SCAI: variants seen among roughly 807,000 people sequenced by gnomAD.
The protein encoded by SCAI is suppressor of cancer cell invasion.
A neutral mutation model predicts 92.2 loss-of-function variants in SCAI; 24 were observed. That is an observed-to-expected ratio of 0.26 (90% CI 0.19 to 0.37). The LOEUF is 0.37. Ranked by LOEUF, SCAI falls within the 10% of genes least tolerant of loss-of-function variation. SCAI has a pLI of 1.00. For missense variants in SCAI, 450 were observed against 736.2 expected (o/e 0.61, Z 4.50); for synonymous variants, 261 against 258.6 (o/e 1.01, Z -0.09).
In SCAI at chr9:125,014,773, T is replaced by G. The variant is rs1475781109; in HGVS notation, c.861+4026A>C. Among the ~76,000 whole-genome samples the G allele has an allele frequency of 2.0e-5, 3 of 152,294 alleles. No homozygotes were observed. The East Asian group carries it at 5.8e-4, about 29-fold the overall frequency. ...AGCTGGAGGCATCACGCTACCTGAC[T>G]TCAAACTATACTACAAGGCTACAGT... On this transcript the variant is annotated intron_variant, in intron 9 of 17. Coordinates refer to ENST00000336505, the MANE Select transcript of SCAI (RefSeq NM_001144877.3).
intron 3 of SCAI, among the ~76,000 whole-genome samples, chr9:125,047,441 T>C (rs974341455): frequency 1.3e-5 from 2 of 152,194 alleles, no homozygotes; most frequent in Non-Finnish European, 2.9e-5. Flanking sequence ...CACCTTGTTA[T>C]GGCAGCCATA....
chr9:125,138,741 G>T (rs1454673651), intron 2 of SCAI, among the ~76,000 whole-genome samples: 1 of 151,998 alleles, frequency 6.6e-6, no homozygotes, highest in Non-Finnish European at 1.5e-5. Flanking sequence ...TAGAAATGGG[G>T]TTTCTCCATG....
intron 14 of SCAI, among the ~76,000 whole-genome samples, chr9:124,993,033 T>C (rs991547272): frequency 5.3e-5 from 8 of 152,220 alleles, no homozygotes; most frequent in African/African-American, 1.9e-4. Context: ...ATTGCTAAAG[T>C]ACTCTCAATG....
chr9:125,068,006 A>C (rs989190957), intron 2 of SCAI, among the ~76,000 whole-genome samples: 8 of 152,232 alleles, frequency 5.3e-5, no homozygotes, highest in Non-Finnish European at 2.9e-5. Context: ...TGAAAGTCTG[A>C]AAGAAATCTT....
chr9:125,002,880 A>T (rs1233894104), intron 11 of SCAI, among the ~76,000 whole-genome samples: 1 of 151,882 alleles, frequency 6.6e-6, no homozygotes, highest in Non-Finnish European at 1.5e-5. Flanking sequence ...TAATCACAAC[A>T]TCATAAGCAA....
chr9:125,128,200 C>T (rs531656980), intron 2 of SCAI, among the ~76,000 whole-genome samples: 28 of 152,104 alleles, frequency 1.8e-4, no homozygotes, highest in African/African-American at 6.5e-4. Flanking sequence ...GCACATGGCA[C>T]CAGCTACTCA....
intron 15 of SCAI, among the ~76,000 whole-genome samples, chr9:124,972,292 C>T (rs1421672242): frequency 3.9e-5 from 6 of 152,150 alleles, no homozygotes; most frequent in Non-Finnish European, 8.8e-5. Flanking sequence ...TGCTCTCACT[C>T]CCATGATTTT....
chr9:125,028,535 C>A (rs1426541028), intron 4 of SCAI, 57 bp from the exon 5 acceptor site: 2 of 889,026 alleles, frequency 2.2e-6, no homozygotes, highest in Admixed American at 2.9e-5. Context: ...CAAAACTAAT[C>A]AAATCTGTAA....
intron 2 of SCAI, among the ~76,000 whole-genome samples, chr9:125,140,857 T>C (rs1436090207): frequency 1.3e-5 from 2 of 149,040 alleles, no homozygotes; most frequent in Non-Finnish European, 3.0e-5. Context: ...AGACCCTGTC[T>C]CAAAAAAAAA....
chr9:125,000,547 A>G (rs924569054), intron 12 of SCAI, among the ~76,000 whole-genome samples: 4 of 151,892 alleles, frequency 2.6e-5, no homozygotes, highest in Non-Finnish European at 4.4e-5. Context: ...GGCTGCAGTG[A>G]ACTATGATCA....
intron 2 of SCAI, among the ~76,000 whole-genome samples, chr9:125,114,446 T>C (rs1261814853): frequency 6.6e-6 from 1 of 152,114 alleles, no homozygotes; most frequent in Non-Finnish European, 1.5e-5. Context: ...ATTTTTAAAA[T>C]ACCAAGTGCT....
At chr9:125,001,153 CA>C (rs1832353340) in intron 12 of SCAI, among the ~76,000 whole-genome samples, 1 of 152,084 alleles carries the variant, frequency 6.6e-6, no homozygotes, top group South Asian at 2.1e-4. Context: ...AAAATCACTG[CA>C]ATGAAAAGGC....
intron 2 of SCAI, among the ~76,000 whole-genome samples, chr9:125,078,860 T>C (rs1191480318): frequency 6.6e-6 from 1 of 152,130 alleles, no homozygotes; most frequent in Non-Finnish European, 1.5e-5. Flanking sequence ...GCCATAATTG[T>C]ACCACTGTAC....
intron 17 of SCAI, among the ~76,000 whole-genome samples, chr9:124,962,307 ACGC>A (rs1831455813): frequency 6.6e-6 from 1 of 151,552 alleles, no homozygotes; most frequent in Non-Finnish European, 1.5e-5. Flanking sequence ...CTACAGGCTC[ACGC>A]CACGACGCCC....
rs532019979 is a variant in SCAI at position 125,028,380 on chromosome 9, T to C, written c.413+12A>G. 31 of 1,443,154 alleles carry C rather than the reference T, an allele frequency of 2.1e-5. No individual in the cohort carries two copies. In the South Asian group the frequency reaches 3.4e-4, roughly 16 times the overall value. The allele number at this position is 1,443,154 out of a possible 1,614,324, so 89.4% of individuals were successfully genotyped here. ...GACAACACTTTACTCTTTCCATGTGTAATTTACTTACTAATAATGATAGTA... is the reference window on the plus strand; with the variant it reads ...GACAACACTTTACTCTTTCCATGTGCAATTTACTTACTAATAATGATAGTA... On this transcript the variant is annotated intron_variant, in intron 5 of 17. Coordinates refer to ENST00000336505, the MANE Select transcript of SCAI (RefSeq NM_001144877.3).
chr9:125,057,465 A>G (rs1425576466), intron 2 of SCAI, among the ~76,000 whole-genome samples: 1 of 152,242 alleles, frequency 6.6e-6, no homozygotes, highest in Non-Finnish European at 1.5e-5. Flanking sequence ...GAAAGGACTC[A>G]AAGAATGTCA....
At chr9:125,085,871 C>T (rs1298016687) in intron 2 of SCAI, among the ~76,000 whole-genome samples, 1 of 152,178 alleles carries the variant, frequency 6.6e-6, no homozygotes, top group Non-Finnish European at 1.5e-5. Flanking sequence ...AAAAACCGAG[C>T]AAGACTGCTG....
intron 13 of SCAI, 86 bp from the exon 14 acceptor site, chr9:124,995,101 C>T (rs1832212620): frequency 1.0e-6 from 1 of 955,882 alleles, no homozygotes; most frequent in Non-Finnish European, 1.6e-6. Context: ...CTCATATCTC[C>T]TTTGCATCAT....
At chr9:125,065,827 A>G (rs1287710930) in intron 2 of SCAI, among the ~76,000 whole-genome samples, 1 of 152,246 alleles carries the variant, frequency 6.6e-6, no homozygotes, top group Non-Finnish European at 1.5e-5. Context: ...AAGGACAAAA[A>G]TCATACTACA....
Sources: gnomAD v4.1 joint callset for allele counts (sites outside exome capture counted in the v4.1 genomes callset) on GRCh38, gnomAD v4.1.1 for gene constraint, MANE v1.5 for transcripts, NCBI Gene and HGNC (gene_info 2026-07-23, HGNC 2026-07-21) for gene names.